PEBP4: variants seen among roughly 807,000 people sequenced by gnomAD.
The protein encoded by PEBP4 is phosphatidylethanolamine-binding protein 4.
Under a neutral mutation model 23.9 loss-of-function variants are expected in PEBP4, and 22 were observed. That is an observed-to-expected ratio of 0.92 (90% confidence interval 0.66 to 1.31). PEBP4 has a LOEUF of 1.31. PEBP4 is among the 40% of genes most tolerant of loss of function. The probability of loss-of-function intolerance (pLI) is 0.00; values close to 1 mark genes in which losing one functional copy is unlikely to be tolerated. For missense variants in PEBP4, 324 were observed against 281.7 expected (o/e 1.15, Z -1.07); for synonymous variants, 112 against 99.3 (o/e 1.13, Z -0.76).
intron 3 of PEBP4, among the ~76,000 whole-genome samples, chr8:22,845,102 T>C (rs1238204643): frequency 6.6e-6 from 1 of 152,200 alleles, no homozygotes; most frequent in Non-Finnish European, 1.5e-5. Context: ...CAGCTCTCCA[T>C]TCTCTATCTG....
chr8:22,724,169 A>T (rs753672762), intron 6 of PEBP4, among the ~76,000 whole-genome samples: 7 of 152,172 alleles, frequency 4.6e-5, no homozygotes, highest in African/African-American at 7.2e-5. Context: ...AGTCGGGGGC[A>T]TGGCTCACAC....
intron 3 of PEBP4, among the ~76,000 whole-genome samples, chr8:22,905,275 CTT>C (rs147828166): frequency 4.5e-4 from 68 of 149,964 alleles, no homozygotes; most frequent in Middle Eastern, 3.4e-3. Flanking sequence ...CATTAACATC[CTT>C]TTTTTTTAAA....
chr8:22,795,750 T>C (rs149851032), intron 4 of PEBP4, among the ~76,000 whole-genome samples: 1 of 152,376 alleles, frequency 6.6e-6, no homozygotes, highest in African/African-American at 2.4e-5. Flanking sequence ...TTTTACATTC[T>C]ACATGAAAGA....
At chr8:22,907,762 G>C (rs1054022924) in intron 3 of PEBP4, among the ~76,000 whole-genome samples, 3 of 152,292 alleles carry the variant, frequency 2.0e-5, no homozygotes, top group African/African-American at 7.2e-5. Flanking sequence ...CTGACTGCCT[G>C]GCTGAGAGTA....
At chr8:22,890,690 A>G (rs796764451) in intron 3 of PEBP4, among the ~76,000 whole-genome samples, 10 of 152,370 alleles carry the variant, frequency 6.6e-5, no homozygotes, top group African/African-American at 2.4e-4. Flanking sequence ...AGTGTGGCGC[A>G]CAGAGTTTGG....
intron 6 of PEBP4, among the ~76,000 whole-genome samples, chr8:22,719,165 C>T (rs1219912194): frequency 6.6e-6 from 1 of 152,200 alleles, no homozygotes; most frequent in Non-Finnish European, 1.5e-5. Context: ...CTGCCTGGCC[C>T]AGGACTCCCA....
intron 3 of PEBP4, among the ~76,000 whole-genome samples, chr8:22,840,606 T>G (rs1372389469): frequency 6.6e-6 from 1 of 152,062 alleles, no homozygotes; most frequent in African/African-American, 2.4e-5. Context: ...GTTGAGAAAT[T>G]TTCAGAGTTA....
chr8:22,803,317 C>T (rs1334917722), intron 4 of PEBP4, among the ~76,000 whole-genome samples: 8 of 152,150 alleles, frequency 5.3e-5, no homozygotes, highest in East Asian at 1.9e-4. Context: ...GCCAGGCCAC[C>T]TGTCTTGGCC....
In PEBP4 at chr8:22,920,254, T is replaced by A. The variant is rs778427675; in HGVS notation, c.188A>T (p.Asp63Val). The A allele has an allele frequency of 6.2e-7, 1 of 1,613,780 alleles. No individual in the cohort carries two copies. The highest frequency in any genetic ancestry group is 8.5e-7 in the Non-Finnish European group (1 of 1,179,818). Residue 63 changes from aspartate to valine, a missense_variant, in exon 3 of 7, where the codon GAT becomes GTT. Asp to Val is a radical substitution (Grantham distance 152). Coordinates refer to ENST00000256404, the MANE Select transcript of PEBP4 (RefSeq NM_144962.3). Reference sequence around the variant, plus strand: ...GATCTTCTGTCTGTAGTTGTTACAATCAGGAACAACCTTGCAGCCAATGTT... The same window carrying A: ...GATCTTCTGTCTGTAGTTGTTACAAACAGGAACAACCTTGCAGCCAATGTT... The part of the protein sequence containing the change: ...LGNIGCKVVP[D>V]CNNYRQKITS...
intron 3 of PEBP4, among the ~76,000 whole-genome samples, chr8:22,822,630 CA>C (rs1806884880): frequency 6.6e-6 from 1 of 151,772 alleles, no homozygotes; most frequent in Non-Finnish European, 1.5e-5. Context: ...TAAACTGTTA[CA>C]AATTATACAC....
chr8:22,848,117 T>G (rs2128766818), intron 3 of PEBP4, among the ~76,000 whole-genome samples: 1 of 152,340 alleles, frequency 6.6e-6, no homozygotes, highest in South Asian at 2.1e-4. Context: ...GAGTGATGTC[T>G]GTCGGTCCAT....
intron 3 of PEBP4, among the ~76,000 whole-genome samples, chr8:22,912,899 C>T (rs10100707): frequency 0.012 from 1,823 of 152,270 alleles, 46 homozygotes; most frequent in African/African-American, 0.041. Context: ...GGGTGCTGCG[C>T]GCCCTCCTCA....
chr8:22,906,269 T>C (rs13249266), intron 3 of PEBP4, among the ~76,000 whole-genome samples: 57,533 of 151,970 alleles, frequency 0.38, 10,968 homozygotes, highest in East Asian at 0.44. Context: ...TGTCCAGCCT[T>C]GGGAGAGTGT....
At chr8:22,731,487 GT>G (rs1804730112) in intron 4 of PEBP4, among the ~76,000 whole-genome samples, 1 of 152,114 alleles carries the variant, frequency 6.6e-6, no homozygotes, top group Non-Finnish European at 1.5e-5. Context: ...TACAAAACAT[GT>G]TAATTGACTG....
At chr8:22,824,065 A>T (rs558834510) in intron 3 of PEBP4, among the ~76,000 whole-genome samples, 2 of 152,342 alleles carry the variant, frequency 1.3e-5, no homozygotes, top group South Asian at 4.1e-4. Flanking sequence ...AAAGGAGAGA[A>T]GACCAAAACC....
intron 3 of PEBP4, among the ~76,000 whole-genome samples, chr8:22,871,421 G>A (rs182636146): frequency 0.012 from 1,754 of 151,954 alleles, 19 homozygotes; most frequent in Non-Finnish European, 0.017. Flanking sequence ...TGTACTAAGA[G>A]ATTTACATCT....
At chr8:22,923,799 C>T (rs1168490836) in intron 2 of PEBP4, among the ~76,000 whole-genome samples, 1 of 152,142 alleles carries the variant, frequency 6.6e-6, no homozygotes, top group African/African-American at 2.4e-5. Context: ...CCCTTCCCTT[C>T]CCCCATGTGA....
At chr8:22,871,552 ATT>A (rs35759089) in intron 3 of PEBP4, among the ~76,000 whole-genome samples, 35 of 115,270 alleles carry the variant, frequency 3.0e-4, no homozygotes, top group Middle Eastern at 4.8e-3. Flanking sequence ...GATTTCTGGG[ATT>A]TTTTTTTTTT....
intron 2 of PEBP4, among the ~76,000 whole-genome samples, chr8:22,924,440 G>C (rs991855651): frequency 6.6e-6 from 1 of 152,122 alleles, no homozygotes; most frequent in African/African-American, 2.4e-5. Flanking sequence ...GCCCAGGTTG[G>C]GGGGAGCTGG....
Sources: gnomAD v4.1 joint callset for allele counts (sites outside exome capture counted in the v4.1 genomes callset) on GRCh38, gnomAD v4.1.1 for gene constraint, MANE v1.5 for transcripts, NCBI Gene and HGNC (gene_info 2026-07-23, HGNC 2026-07-21) for gene names.